Variants in LCP1 observed in about 807,000 individuals in gnomAD.
LCP1 encodes the protein lymphocyte cytosolic protein 1.
Under a neutral mutation model 72.0 loss-of-function variants are expected in LCP1, and 23 were observed. The observed-to-expected ratio is 0.32, with a 90% CI of 0.23 to 0.45. The LOEUF (loss-of-function observed/expected upper bound fraction) is 0.45, where lower values mean the gene tolerates loss of function less well. Among genes scored for constraint, LCP1 ranks in the 20% least tolerant of loss-of-function variants. The pLI is 1.00. For missense variants in LCP1, 571 were observed against 748.3 expected (o/e 0.76, Z 2.76); for synonymous variants, 245 against 275.4 (o/e 0.89, Z 1.09).
chr13:46,155,772 C>G (rs1028702412), intron 5 of LCP1, among the ~76,000 whole-genome samples: 1 of 152,144 alleles, frequency 6.6e-6, no homozygotes, highest in Non-Finnish European at 1.5e-5. Context: ...GGATGCAGTC[C>G]CCCTTTTCCA....
intron 1 of LCP1, among the ~76,000 whole-genome samples, chr13:46,163,504 G>T (rs1393268597): frequency 6.6e-6 from 1 of 152,074 alleles, no homozygotes; most frequent in Non-Finnish European, 1.5e-5. Context: ...ACTGCGGAAG[G>T]CCGCAGGGTC....
At chr13:46,144,580 C>A in intron 10 of LCP1, 60 bp from the exon 11 acceptor site, 2 of 1,103,742 alleles carry the variant, frequency 1.8e-6, no homozygotes, top group Middle Eastern at 2.0e-4. Flanking sequence ...TTTTTATGAC[C>A]AAAGTTTAAC....
chr13:46,133,373 C>T (rs955073748), intron 14 of LCP1, among the ~76,000 whole-genome samples: 5 of 152,194 alleles, frequency 3.3e-5, no homozygotes, highest in African/African-American at 1.2e-4. Context: ...CCTATAATCC[C>T]AAAGCACTTT....
chr13:46,147,568 C>T (rs1032121964), intron 9 of LCP1, among the ~76,000 whole-genome samples: 4 of 152,162 alleles, frequency 2.6e-5, no homozygotes, highest in African/African-American at 9.7e-5. Context: ...ATTAGCATAA[C>T]CACTGTCTCC....
At chr13:46,128,030 G>A (rs1400042207) in intron 15 of LCP1, among the ~76,000 whole-genome samples, 1 of 149,030 alleles carries the variant, frequency 6.7e-6, no homozygotes, top group Non-Finnish European at 1.5e-5. Flanking sequence ...TGTAGAGACA[G>A]GGGTCTCACT....
At chr13:46,142,912 T>C (rs9534341) in intron 12 of LCP1, 111,254 of 373,346 alleles carry the variant, frequency 0.3, 17,692 homozygotes, top group South Asian at 0.42. Context: ...TTCAAAACAA[T>C]GTTCCCACTG....
At chr13:46,136,838 G>C (rs1010365441) in intron 13 of LCP1, among the ~76,000 whole-genome samples, 7 of 152,088 alleles carry the variant, frequency 4.6e-5, no homozygotes, top group African/African-American at 1.7e-4. Flanking sequence ...TCAGTCTTCT[G>C]GTAGCTTCTC....
At chr13:46,174,543 T>A (rs77792619) in intron 1 of LCP1, among the ~76,000 whole-genome samples, 39 of 152,228 alleles carry the variant, frequency 2.6e-4, no homozygotes, top group Non-Finnish European at 4.9e-4. Flanking sequence ...CTCTTCCTGA[T>A]AGAACATGTG....
At chr13:46,157,154 T>C (rs2045807768) in intron 4 of LCP1, among the ~76,000 whole-genome samples, 1 of 151,656 alleles carries the variant, frequency 6.6e-6, no homozygotes, top group South Asian at 2.1e-4. Context: ...ATACGCATAA[T>C]CCAGATATAT....
In LCP1 at chr13:46,144,534, G is replaced by A; in HGVS notation, c.1175-14C>T. On this transcript the variant is annotated splice_polypyrimidine_tract_variant and intron_variant, in intron 10 of 15. Transcript: ENST00000323076. The stretch of plus-strand genomic sequence containing the variant: ...CTCTCGTCTCACCTAGATGAATGAA[G>A]ATGGGTTATCTTTTGGGACCGAAGA... 6.3e-7 allele frequency: 1 copy of A among 1,599,858 alleles called. No homozygotes were observed. Among genetic ancestry groups the A allele is most frequent in the South Asian group, 1.1e-5 (1 of 90,800 alleles).
chr13:46,133,790 C>T lies in LCP1; in HGVS notation c.1626+337G>A, dbSNP rs2045647466. Among the ~76,000 whole-genome samples, 3 of 151,960 alleles carry T rather than the reference C, an allele frequency of 2.0e-5. No individual in the cohort carries two copies. The South Asian group carries it at 6.2e-4, about 32-fold the overall frequency. On this transcript the variant is annotated intron_variant, in intron 14 of 15. Transcript: ENST00000323076. The stretch of plus-strand genomic sequence containing the variant: ...AAAACTGCCTGTTGGGTACGATGCT[C>T]CATACCTCGCTGGTGGATTTATTTG...
At chr13:46,155,554 G>A (rs945136048) in intron 5 of LCP1, among the ~76,000 whole-genome samples, 3 of 152,138 alleles carry the variant, frequency 2.0e-5, no homozygotes, top group African/African-American at 7.2e-5. Flanking sequence ...AATTGCTCTG[G>A]TCAGAGCAGA....
chr13:46,180,458 C>G (rs1298912470), intron 1 of LCP1, among the ~76,000 whole-genome samples: 4 of 152,142 alleles, frequency 2.6e-5, no homozygotes, highest in Non-Finnish European at 5.9e-5. Context: ...TCCCAAATTA[C>G]CAATTGTTTC....
chr13:46,158,398 G>T, intron 4 of LCP1, 124 bp downstream of exon 4: 1 of 1,084,788 alleles, frequency 9.2e-7, no homozygotes. Context: ...TTAGTCACAG[G>T]AAAATTGGGA....
chr13:46,131,704 G>T (rs190622549), intron 14 of LCP1, among the ~76,000 whole-genome samples: 1 of 152,224 alleles, frequency 6.6e-6, no homozygotes, highest in African/African-American at 2.4e-5. Flanking sequence ...GTTATTTGCA[G>T]CAACATGGAT....
intron 2 of LCP1, 85 bp downstream of exon 2, chr13:46,159,514 C>T: frequency 9.1e-7 from 1 of 1,098,198 alleles, no homozygotes; most frequent in Non-Finnish European, 1.4e-6. Flanking sequence ...TGAAATTTTG[C>T]TCATGTTCCC....
At chr13:46,157,622 C>T (rs374947410) in intron 4 of LCP1, among the ~76,000 whole-genome samples, 32 of 152,190 alleles carry the variant, frequency 2.1e-4, no homozygotes, top group African/African-American at 6.7e-4. Context: ...AATGTATCTC[C>T]GCCTTAAAGA....
At chr13:46,180,194 A>G (rs1407610062) in intron 1 of LCP1, among the ~76,000 whole-genome samples, 3 of 152,078 alleles carry the variant, frequency 2.0e-5, no homozygotes, top group African/African-American at 7.2e-5. Context: ...CCAGTGACCT[A>G]TGGCCGGTTC....
intron 11 of LCP1, 24 bp downstream of exon 11, chr13:46,144,418 G>A: frequency 6.4e-7 from 1 of 1,564,076 alleles, no homozygotes; most frequent in Non-Finnish European, 8.8e-7. Flanking sequence ...TCTTACATTA[G>A]AATGAGTTCC....
Sources: allele counts gnomAD v4.1 joint callset (sites outside exome capture counted in the v4.1 genomes callset), GRCh38; gene constraint gnomAD v4.1.1; transcripts MANE v1.5; gene names NCBI Gene and HGNC (gene_info 2026-07-23, HGNC 2026-07-21).